The following CYP51A1 variants were observed in gnomAD, a reference collection of about 807,000 sequenced individuals.
The protein encoded by CYP51A1 is cytochrome P450 family 51 subfamily A member 1, also known as lanosterol 14-alpha demethylase.
CYP51A1 carries 45 observed loss-of-function variants against 53.5 expected under a neutral mutation model. That is an observed-to-expected ratio of 0.84 (90% CI 0.66 to 1.08). The LOEUF is 1.08. Ranked by LOEUF, CYP51A1 falls within the 50% of genes least tolerant of loss-of-function variation. The pLI, the probability that CYP51A1 is intolerant of heterozygous loss-of-function variation, is 0.00. For missense variants in CYP51A1, 462 were observed against 621.7 expected, an observed-to-expected ratio of 0.74 and a Z score of 2.73; for synonymous variants, 181 against 217.7, an observed-to-expected ratio of 0.83 and a Z score of 1.48.
In CYP51A1 at chr7:92,128,932, C is replaced by T. The variant is rs140356336; in HGVS notation, c.416G>A (p.Arg139His). ...CTTCCCAAACACAGGTGTTGTCAGG[C>T]GACTGTAGACATCTTCTGCATTCAG... is the stretch of plus-strand genomic sequence containing the variant. ...EDLNAEDVYS[R>H]LTTPVFGKGV... Residue 139 changes from arginine (R) to histidine (H), a missense_variant, in exon 3 of 10, where the codon CGC (arginine) becomes CAC (histidine). Coordinates refer to ENST00000003100, the MANE Select transcript of CYP51A1 (RefSeq NM_000786.4). The T allele has an allele frequency of 2.7e-5, 44 of 1,612,288 alleles. No individual in the cohort carries two copies. Among genetic ancestry groups the T allele is most frequent in the South Asian group, 3.3e-5 (3 of 91,012 alleles).
intron 2 of CYP51A1, among the ~76,000 whole-genome samples, chr7:92,131,268 G>C (rs1819911074): frequency 6.6e-6 from 1 of 152,208 alleles, no homozygotes; most frequent in Non-Finnish European, 1.5e-5. Flanking sequence ...AAACAGTTAA[G>C]AGTGACAAGT....
At chr7:92,119,168 G>GTTAT in intron 7 of CYP51A1, among the ~76,000 whole-genome samples, 1 of 152,290 alleles carries the variant, frequency 6.6e-6, no homozygotes, top group South Asian at 2.1e-4. Context: ...CACTGAAGGC[G>GTTAT]CCTGAGATGG....
chr7:92,134,205 C>T lies in CYP51A1; in HGVS notation c.160G>A (p.Ala54Thr), dbSNP rs372343694. 5 of 1,612,542 alleles carry T rather than the reference C, an allele frequency of 3.1e-6. No individual in the cohort carries two copies. Among genetic ancestry groups the T allele is most frequent in the Middle Eastern group, 1.9e-4 (1 of 5,262 alleles). ...LSLVYLIRLA[A>T]GHLVQLPAGV... is the part of the protein sequence containing the mutation. ...GCGGGCAGCTGGACCAGGTGGCCGG[C>T]GGCCAGACGGATCAGGTAGACCAGG... The change falls in exon 1 of 10, where the codon GCC becomes ACC. Residue 54 changes from alanine to threonine, a missense_variant. Ala to Thr is a moderately conservative substitution (Grantham distance 58). Coordinates refer to ENST00000003100, the MANE Select transcript of CYP51A1 (RefSeq NM_000786.4).
Position 92,118,536 on chromosome 7 carries a change from A to C in CYP51A1, c.1166T>G (p.Met389Arg). The change falls in exon 8 of 10, where the codon ATG (methionine) becomes AGG (arginine). Residue 389 changes from methionine to arginine, a missense_variant. Met to Arg is a moderately conservative substitution (Grantham distance 91). Transcript: ENST00000003100. The part of the protein sequence containing the change: ...LRPPIMIMMR[M>R]ARTPQTVAGY... ...GATACTCACCTGAGGAGTTCTGGCC[A>C]TTCTCATCATGATCATTATAGGAGG... The C allele has an allele frequency of 6.3e-7, 1 of 1,581,104 alleles. No individual in the cohort carries two copies. Among genetic ancestry groups the C allele is most frequent in the Non-Finnish European group, 8.7e-7 (1 of 1,151,268 alleles).
In CYP51A1 at chr7:92,131,832, C is replaced by G; in HGVS notation, c.233G>C (p.Gly78Ala). 1 of 1,598,154 alleles carries G rather than the reference C, an allele frequency of 6.3e-7. No homozygotes were observed. The highest frequency in any genetic ancestry group is 1.1e-5 in the South Asian group (1 of 89,368). Residue 78 changes from glycine to alanine, a missense_variant, in exon 2 of 10, where the codon GGG becomes GCG. By Grantham distance (60) the Gly-to-Ala change is moderately conservative. Coordinates refer to ENST00000003100, the MANE Select transcript of CYP51A1 (RefSeq NM_000786.4). ...ACTTTTCCCAAATGCTATGGCATGC[C>G]CAAGGAATGGAATTGGGGAGAAAAT... ...PYIFSPIPFLGHAIAFGKSPI... is the reference protein window; with the variant it reads ...PYIFSPIPFLAHAIAFGKSPI...
intron 4 of CYP51A1, among the ~76,000 whole-genome samples, chr7:92,126,629 A>C (rs1354811738): frequency 2.0e-5 from 3 of 152,216 alleles, no homozygotes; most frequent in Admixed American, 6.5e-5. Context: ...TAAACAGCCA[A>C]AACAGATCCC....
At chr7:92,118,151 TTTTTTA>T (rs1017910588) in intron 8 of CYP51A1, among the ~76,000 whole-genome samples, 4 of 152,216 alleles carry the variant, frequency 2.6e-5, no homozygotes, top group African/African-American at 9.6e-5. Flanking sequence ...TTTTTCTTTC[TTTTTTA>T]TTTTTATTTT....
Position 92,126,401 on chromosome 7 carries a change from T to C in CYP51A1, c.622A>G (p.Ile208Val), listed in dbSNP as rs1469378177. The C allele has an allele frequency of 3.1e-6, 5 of 1,613,616 alleles. No individual in the cohort carries two copies. The highest frequency in any genetic ancestry group is 4.2e-6 in the Non-Finnish European group (5 of 1,179,808). Residue 208 changes from isoleucine to valine, a missense_variant, in exon 5 of 10, where the codon ATA (isoleucine) becomes GTA (valine). Ile to Val is a conservative substitution (Grantham distance 29). Transcript: ENST00000003100. ...AAACAATGGCTAGCTGTTAAAATTA[T>C]GAGCTCAGAAAGAGCTTCAAACACA... ...KNVFEALSEL[I>V]ILTASHCLHG...
chr7:92,127,600 C>CT lies in CYP51A1; in HGVS notation c.499dup (p.Ser167LysfsTer4). The stretch of plus-strand genomic sequence containing the variant: ...TTTAAAGTGGGCTATGTTAAGGCCA[C>CT]TTTTTAACATTTTCTTCTGCTCCAA... On this transcript the variant is annotated frameshift_variant, in exon 4 of 10. Coordinates refer to ENST00000003100, the MANE Select transcript of CYP51A1 (RefSeq NM_000786.4). LOFTEE classifies it high-confidence loss of function. 6.2e-7 allele frequency: 1 copy of CT among 1,613,510 alleles called. No individual in the cohort carries two copies. The highest frequency in any genetic ancestry group is 8.5e-7 in the Non-Finnish European group (1 of 1,179,738).
At chr7:92,121,236 C>T (rs911670079) in intron 7 of CYP51A1, among the ~76,000 whole-genome samples, 5 of 150,798 alleles carry the variant, frequency 3.3e-5, no homozygotes, top group African/African-American at 7.3e-5. Context: ...AAGCCAAGGT[C>T]GCGCCATTGC....
chr7:92,123,716 T>C lies in CYP51A1; in HGVS notation c.890+18A>G. On this transcript the variant is annotated intron_variant, in intron 6 of 9. Coordinates refer to ENST00000003100, the MANE Select transcript of CYP51A1 (RefSeq NM_000786.4). ...AATTTCCTGCTTCAGCTTAATATGT[T>C]ATCTGAATAGCTCTTACTTGTATGT... 9 of 1,585,068 alleles carry C rather than the reference T, an allele frequency of 5.7e-6. No homozygotes were observed. Among genetic ancestry groups the C allele is most frequent in the Non-Finnish European group, 7.7e-6 (9 of 1,170,416 alleles).
chr7:92,131,752 T>G, intron 2 of CYP51A1, 22 bp downstream of exon 2: 11 of 1,103,742 alleles, frequency 1.0e-5, no homozygotes, highest in Non-Finnish European at 1.5e-5. Context: ...TTTTTTTTCC[T>G]CTAATTATTT....
At chr7:92,126,163 A>C (rs1819795932) in intron 5 of CYP51A1, 90 bp downstream of exon 5, 1 of 899,732 alleles carries the variant, frequency 1.1e-6, no homozygotes, top group African/African-American at 1.7e-5. Flanking sequence ...TTACTTGTTT[A>C]ATTTTTATCT....
chr7:92,116,153 TC>T, intron 9 of CYP51A1, among the ~76,000 whole-genome samples: 1 of 152,136 alleles, frequency 6.6e-6, no homozygotes. Flanking sequence ...ACACCTGTAA[TC>T]CCAGCTACTC....
intron 7 of CYP51A1, among the ~76,000 whole-genome samples, chr7:92,122,863 A>G (rs1819717837): frequency 6.6e-6 from 1 of 152,240 alleles, no homozygotes; most frequent in African/African-American, 2.4e-5. Flanking sequence ...CAGACTTTGA[A>G]GCAGAGGAAG....
chr7:92,121,284 A>C (rs1014301524), intron 7 of CYP51A1, among the ~76,000 whole-genome samples: 10 of 151,010 alleles, frequency 6.6e-5, no homozygotes, highest in South Asian at 4.2e-4. Flanking sequence ...TCTGTCTCAA[A>C]AAAAAAAAAA....
At chr7:92,114,802 A>G (rs186281763) in intron 9 of CYP51A1, among the ~76,000 whole-genome samples, 14 of 152,330 alleles carry the variant, frequency 9.2e-5, no homozygotes, top group African/African-American at 2.6e-4. Context: ...GGACTAAACT[A>G]AAGGTTATTC....
intron 1 of CYP51A1, among the ~76,000 whole-genome samples, chr7:92,132,670 G>A (rs1819948008): frequency 6.6e-6 from 1 of 152,146 alleles, no homozygotes; most frequent in Admixed American, 6.5e-5. Context: ...TAGAAAGAAG[G>A]GAAATGTTTA....
chr7:92,128,428 C>CTGTG (rs1554479142), intron 3 of CYP51A1, among the ~76,000 whole-genome samples: 12,936 of 143,020 alleles, frequency 0.09, 591 homozygotes, highest in African/African-American at 0.13. Context: ...TGGTTGGTTT[C>CTGTG]TGTGTGTGTG....
Sources: allele counts gnomAD v4.1 joint callset (sites outside exome capture counted in the v4.1 genomes callset), GRCh38; gene constraint gnomAD v4.1.1; transcripts MANE v1.5; gene names NCBI Gene and HGNC (gene_info 2026-07-23, HGNC 2026-07-21).